The following ARHGAP26 variants were observed in gnomAD, a reference collection of about 807,000 sequenced individuals.
ARHGAP26 encodes rho GTPase-activating protein 26.
A neutral mutation model predicts 104.8 loss-of-function variants in ARHGAP26; 38 were observed. That is an observed-to-expected ratio of 0.36 (90% CI 0.28 to 0.48). The LOEUF is 0.48. Among genes scored for constraint, ARHGAP26 ranks in the 20% least tolerant of loss-of-function variants. The pLI is 0.99. For missense variants in ARHGAP26, 704 were observed against 947.9 expected, an observed-to-expected ratio of 0.74 and a Z score of 3.38; for synonymous variants, 341 against 340.0, an observed-to-expected ratio of 1.00 and a Z score of -0.03.
At chr5:142,993,055 C>T (rs1271774491) in intron 11 of ARHGAP26, among the ~76,000 whole-genome samples, 2 of 151,974 alleles carry the variant, frequency 1.3e-5, no homozygotes, top group Non-Finnish European at 2.9e-5. Flanking sequence ...GATCTCGGCT[C>T]ACTGCAACCT....
intron 20 of ARHGAP26, among the ~76,000 whole-genome samples, chr5:143,177,096 C>G (rs1041415622): frequency 1.3e-5 from 2 of 152,096 alleles, no homozygotes; most frequent in African/African-American, 4.8e-5. Flanking sequence ...TTCTGTTGCC[C>G]TGGTATAAAT....
At chr5:142,938,252 A>G (rs1765732559) in intron 11 of ARHGAP26, among the ~76,000 whole-genome samples, 1 of 152,228 alleles carries the variant, frequency 6.6e-6, no homozygotes, top group African/African-American at 2.4e-5. Flanking sequence ...TAACTTTAAA[A>G]AACAACAAAG....
At chr5:143,123,964 A>AACAC (rs34527854) in intron 18 of ARHGAP26, among the ~76,000 whole-genome samples, 12,616 of 151,206 alleles carry the variant, frequency 0.083, 630 homozygotes, top group East Asian at 0.21. Context: ...CTGTAATAGA[A>AACAC]ACACACACAC....
chr5:142,975,966 G>C (rs564942101), intron 11 of ARHGAP26, among the ~76,000 whole-genome samples: 1 of 152,304 alleles, frequency 6.6e-6, no homozygotes, highest in South Asian at 2.1e-4. Context: ...CCACCGTATG[G>C]AGGAAAAACT....
At chr5:143,152,601 C>T (rs1017156391) in intron 20 of ARHGAP26, among the ~76,000 whole-genome samples, 1 of 152,204 alleles carries the variant, frequency 6.6e-6, no homozygotes, top group South Asian at 2.1e-4. Flanking sequence ...GCAACCCCTC[C>T]CATTAAGAGC....
chr5:143,136,862 G>A (rs922428474), intron 19 of ARHGAP26, among the ~76,000 whole-genome samples: 2 of 152,162 alleles, frequency 1.3e-5, no homozygotes, highest in African/African-American at 4.8e-5. Flanking sequence ...TACAGGTAAC[G>A]ATTATGCAAA....
chr5:142,897,425 G>T (rs892921384), intron 6 of ARHGAP26, among the ~76,000 whole-genome samples: 1 of 152,194 alleles, frequency 6.6e-6, no homozygotes, highest in African/African-American at 2.4e-5. Context: ...TTCTAGGCAG[G>T]TCAGTGGCTT....
chr5:142,933,228 A>C (rs953249310), intron 11 of ARHGAP26, among the ~76,000 whole-genome samples: 1 of 152,234 alleles, frequency 6.6e-6, no homozygotes, highest in African/African-American at 2.4e-5. Context: ...CTTCCTAAGT[A>C]GGTCTTTCTT....
chr5:142,800,443 T>C (rs966499104), intron 1 of ARHGAP26, among the ~76,000 whole-genome samples: 2 of 151,912 alleles, frequency 1.3e-5, no homozygotes, highest in African/African-American at 4.8e-5. Flanking sequence ...GATCTCGGCT[T>C]ACTGCAACCT....
intron 6 of ARHGAP26, among the ~76,000 whole-genome samples, chr5:142,900,841 T>C (rs1429296991): frequency 6.6e-6 from 1 of 152,128 alleles, no homozygotes; most frequent in Non-Finnish European, 1.5e-5. Context: ...TAAGGTGGTA[T>C]GGCAGGTCAG....
chr5:143,110,383 T>C (rs1794632270), intron 17 of ARHGAP26, among the ~76,000 whole-genome samples: 1 of 152,230 alleles, frequency 6.6e-6, no homozygotes, highest in South Asian at 2.1e-4. Flanking sequence ...TGTTGCAGTT[T>C]TGGCCTTTGT....
At chr5:142,901,707 A>T (rs949711127) in intron 6 of ARHGAP26, among the ~76,000 whole-genome samples, 6 of 152,212 alleles carry the variant, frequency 3.9e-5, no homozygotes, top group African/African-American at 1.4e-4. Context: ...CTGCTTCCTC[A>T]TTATTAAAAT....
intron 1 of ARHGAP26, among the ~76,000 whole-genome samples, chr5:142,864,901 C>T (rs1048724181): frequency 5.3e-5 from 8 of 152,218 alleles, no homozygotes; most frequent in South Asian, 2.1e-4. Context: ...AGCCAATGCG[C>T]GTCATACGCC....
intron 4 of ARHGAP26, among the ~76,000 whole-genome samples, chr5:142,880,487 AG>A (rs1756816770): frequency 6.6e-6 from 1 of 150,572 alleles, no homozygotes; most frequent in Admixed American, 6.6e-5. Flanking sequence ...CACTGACTGC[AG>A]CCTGGGCAAC....
At chr5:143,164,768 C>T (rs1030434578) in intron 20 of ARHGAP26, 4 of 152,202 alleles carry the variant, frequency 2.6e-5, no homozygotes, top group Non-Finnish European at 5.9e-5. Flanking sequence ...CAGCTTTCTG[C>T]CTTAGTCATC....
intron 11 of ARHGAP26, among the ~76,000 whole-genome samples, chr5:142,959,961 G>A (rs1199795479): frequency 6.6e-6 from 1 of 152,196 alleles, no homozygotes; most frequent in Admixed American, 6.5e-5. Context: ...CAACTATATG[G>A]GATTGGTCTG....
chr5:143,126,813 C>T (rs1320492063), intron 18 of ARHGAP26, among the ~76,000 whole-genome samples: 1 of 152,174 alleles, frequency 6.6e-6, no homozygotes. Context: ...AAGATTTTGG[C>T]TCTTCCCACG....
intron 12 of ARHGAP26, among the ~76,000 whole-genome samples, chr5:143,020,840 C>T (rs10875599): frequency 0.51 from 77,079 of 151,666 alleles, 24,984 homozygotes; most frequent in Non-Finnish European, 0.72. Context: ...CAGGGTTTCA[C>T]CGTGTTAGCC....
intron 11 of ARHGAP26, among the ~76,000 whole-genome samples, chr5:142,934,298 C>T (rs1265095756): frequency 6.6e-6 from 1 of 152,214 alleles, no homozygotes; most frequent in Non-Finnish European, 1.5e-5. Flanking sequence ...TTGAAAGAAA[C>T]ATCTTCTTGC....
Sources: allele counts gnomAD v4.1 joint callset (sites outside exome capture counted in the v4.1 genomes callset), GRCh38; gene constraint gnomAD v4.1.1; transcripts MANE v1.5; gene names NCBI Gene and HGNC (gene_info 2026-07-23, HGNC 2026-07-21).